Variants in SLC43A1 observed in about 807,000 individuals in gnomAD.
SLC43A1 encodes solute carrier family 43 member 1, also known as large neutral amino acids transporter small subunit 3.
In SLC43A1, 31 loss-of-function variants were observed where a neutral mutation model predicts 59.5. The ratio of observed to expected loss-of-function variants is 0.52; its 90% CI spans 0.39 to 0.70. SLC43A1 has a LOEUF of 0.70. SLC43A1 is among the 30% of genes least tolerant of loss of function. The probability of loss-of-function intolerance (pLI) is 0.00; values close to 1 mark genes in which losing one functional copy is unlikely to be tolerated. For synonymous variants in SLC43A1, 259 were observed against 290.9 expected (o/e 0.89, Z 1.12); for missense variants, 598 against 717.8 (o/e 0.83, Z 1.91).
At chr11:57,495,141 C>A (rs1944042378) in intron 7 of SLC43A1, among the ~76,000 whole-genome samples, 1 of 152,046 alleles carries the variant, frequency 6.6e-6, no homozygotes. Context: ...ACCCACTGCG[C>A]CTGGCCCATT....
At position 57,491,369 on chromosome 11, in the gene SLC43A1, AGGATG is replaced by A; in HGVS notation, c.1055-12_1055-8del. The A allele has an allele frequency of 6.3e-7, 1 of 1,584,970 alleles. No individual in the cohort carries two copies. Among genetic ancestry groups the A allele is most frequent in the Non-Finnish European group, 8.6e-7 (1 of 1,164,156 alleles). On this transcript the variant is annotated splice_polypyrimidine_tract_variant and splice_region_variant and intron_variant, in intron 10 of 14. Coordinates refer to ENST00000278426, the MANE Select transcript of SLC43A1 (RefSeq NM_003627.6). Reference sequence around the variant, plus strand: ...ACGGAGGAGTAGAACCCAACTGGGCAGGATGGGAAGGGCAGTGGGGTCAGGAACTG... The same window carrying A: ...ACGGAGGAGTAGAACCCAACTGGGCAGGAAGGGCAGTGGGGTCAGGAACTG...
chr11:57,514,969 C>T lies in SLC43A1; in HGVS notation c.-14+475G>A. 2.1e-6 allele frequency: 2 copies of T among 971,338 alleles called. No homozygotes were observed. The highest frequency in any genetic ancestry group is 4.8e-5 in the South Asian group (1 of 21,020). The allele number at this position is 971,338 out of a possible 1,614,324, so 60.2% of individuals were successfully genotyped here. On this transcript the variant is annotated intron_variant, in intron 1 of 14. Coordinates refer to ENST00000278426, the MANE Select transcript of SLC43A1 (RefSeq NM_003627.6). The surrounding 1 kb of genome is among the most constrained non-coding windows in gnomAD (Gnocchi z 5.5). ...GAAAGAGCCCCAGCTCCCCCCGCCG[C>T]GGCCGCTGCAGCCTCGGCGGGAGGA...
At chr11:57,505,317 A>C (rs958913246) in intron 2 of SLC43A1, among the ~76,000 whole-genome samples, 1 of 152,116 alleles carries the variant, frequency 6.6e-6, no homozygotes, top group African/African-American at 2.4e-5. Context: ...TTCAAGACCC[A>C]CCTGGCCAAC....
rs181597007 is a variant in SLC43A1 at position 57,497,716 on chromosome 11, G to A, written c.558+37C>T. 325 of 1,541,166 alleles carry A rather than the reference G, an allele frequency of 2.1e-4. 2 individuals are homozygous for A. In the East Asian group the frequency reaches 6.1e-3, roughly 29 times the overall value. ...GCTCACTCGGCCCCACCCGGTTCTT[G>A]TGTCAAGACAAAAAGAAAACCCAGG... On this transcript the variant is annotated intron_variant, in intron 6 of 14. Coordinates refer to ENST00000278426, the MANE Select transcript of SLC43A1 (RefSeq NM_003627.6).
chr11:57,510,308 A>C (rs1000473018), intron 2 of SLC43A1, among the ~76,000 whole-genome samples: 1 of 151,566 alleles, frequency 6.6e-6, no homozygotes. Flanking sequence ...AATACAAAAA[A>C]TTAGCCGGGC....
rs1404621880 is a variant in SLC43A1, at chr11:57,501,333, A to G, written c.155-4T>C. The stretch of plus-strand genomic sequence containing the variant: ...GTGGTGTTGGTGCTGCTCTCAGCTG[A>G]GGAGGGGGAAGGGAGGGCTCAGCAC... On this transcript the variant is annotated splice_polypyrimidine_tract_variant and splice_region_variant and intron_variant, in intron 2 of 14. Coordinates refer to ENST00000278426, the MANE Select transcript of SLC43A1 (RefSeq NM_003627.6). 1 of 1,606,932 alleles carries G rather than the reference A, an allele frequency of 6.2e-7. No homozygotes were observed. The highest frequency in any genetic ancestry group is 1.7e-5 in the Admixed American group (1 of 60,012).
intron 8 of SLC43A1, among the ~76,000 whole-genome samples, chr11:57,492,610 T>A (rs1943961377): frequency 7.2e-6 from 1 of 138,624 alleles, no homozygotes; most frequent in African/African-American, 2.7e-5. Flanking sequence ...CACACCTGTA[T>A]TCCCAGCTAC....
At chr11:57,494,326 G>T in intron 7 of SLC43A1, 155 bp from the exon 8 acceptor site, 1 of 668,880 alleles carries the variant, frequency 1.5e-6, no homozygotes, top group Middle Eastern at 4.0e-4. Flanking sequence ...TGTTTCTGTT[G>T]CTCAGAGCTT....
At chr11:57,487,836 A>C (rs565630989) in intron 13 of SLC43A1, among the ~76,000 whole-genome samples, 2 of 152,122 alleles carry the variant, frequency 1.3e-5, no homozygotes, top group Non-Finnish European at 2.9e-5. Flanking sequence ...CACCTTGCAG[A>C]TATCTGGAGA....
At chr11:57,491,558 G>A in intron 10 of SLC43A1, 33 bp downstream of exon 10, 1 of 1,613,490 alleles carries the variant, frequency 6.2e-7, no homozygotes, top group Non-Finnish European at 8.5e-7. Context: ...AGTGGGGTGG[G>A]CGTGAGCCAG....
intron 5 of SLC43A1, chr11:57,499,640 C>G (rs1407073029): frequency 6.6e-6 from 1 of 152,328 alleles, no homozygotes; most frequent in African/African-American, 2.4e-5. Context: ...CAAGACTCAG[C>G]ACGGGACGTC....
At chr11:57,486,967 A>T in intron 14 of SLC43A1, 128 bp downstream of exon 14, 1 of 937,580 alleles carries the variant, frequency 1.1e-6, no homozygotes, top group Non-Finnish European at 1.6e-6. Flanking sequence ...CAACTTGGAA[A>T]CCTGCAGATT....
intron 6 of SLC43A1, 117 bp downstream of exon 6, chr11:57,497,636 G>T: frequency 1.4e-6 from 1 of 690,908 alleles, no homozygotes; most frequent in Non-Finnish European, 2.5e-6. Context: ...GCATTGGGAT[G>T]ATGACAGAGA....
At chr11:57,491,662 G>A (rs1191603350) in intron 9 of SLC43A1, 36 bp from the exon 10 acceptor site, 3 of 1,614,172 alleles carry the variant, frequency 1.9e-6, no homozygotes, top group Non-Finnish European at 2.5e-6. Flanking sequence ...GGGGAGCTCA[G>A]CCAGGGTGAC....
At chr11:57,490,791 AAATATCT>A (rs1202364329) in intron 11 of SLC43A1, among the ~76,000 whole-genome samples, 4 of 152,230 alleles carry the variant, frequency 2.6e-5, no homozygotes, top group African/African-American at 9.7e-5. Flanking sequence ...ATACAGCAAT[AAATATCT>A]AATATACCAA....
In SLC43A1 at chr11:57,496,137, C is replaced by T. The variant is rs764695112; in HGVS notation, c.586G>A (p.Val196Met). The change falls in exon 7 of 15, where the codon GTG (valine) becomes ATG (methionine). Residue 196 changes from valine (V) to methionine (M), a missense_variant. By Grantham distance (21) the Val-to-Met change is conservative (BLOSUM62 1). Transcript: ENST00000278426. ...CCAGACCAGGTGAACATGATGACCA[C>T]GAAGGCCACACCGGCATCGTAGATC... is the stretch of plus-strand genomic sequence containing the variant. ...KLIYDAGVAFVVIMFTWSGLA... is the reference protein window; with the variant it reads ...KLIYDAGVAFMVIMFTWSGLA... 2.6e-5 allele frequency: 42 copies of T among 1,613,864 alleles called. No individual in the cohort carries two copies. The highest frequency in any genetic ancestry group is 4.5e-5 in the East Asian group (2 of 44,884).
At chr11:57,511,279 T>A (rs567688844) in intron 2 of SLC43A1, among the ~76,000 whole-genome samples, 1 of 151,910 alleles carries the variant, frequency 6.6e-6, no homozygotes, top group South Asian at 2.1e-4. Flanking sequence ...TTTTTTTTAA[T>A]TAGCTGGATG....
Position 57,485,303 on chromosome 11 carries a change from C to T in SLC43A1, c.1534-61G>A. The stretch of plus-strand genomic sequence containing the variant: ...GTAGTCATCTGCCCTTAGCCTCCCA[C>T]AGGGAGGAGAAGGCGGCCATTTTTC... On this transcript the variant is annotated intron_variant, in intron 14 of 14. Coordinates refer to ENST00000278426, the MANE Select transcript of SLC43A1 (RefSeq NM_003627.6). The T allele has an allele frequency of 3.3e-6, 5 of 1,511,576 alleles. No individual in the cohort carries two copies. In the South Asian group the frequency reaches 6.5e-5, roughly 20 times the overall value. The allele number at this position is 1,511,576 out of a possible 1,614,324, so 93.6% of individuals were successfully genotyped here. A position where few individuals can be genotyped will look rare whatever the true frequency, so the allele number is the denominator to read the frequency against.
At position 57,506,016 on chromosome 11, in the gene SLC43A1, T is replaced by G. The variant is rs377163149; in HGVS notation, c.155-4687A>C. On this transcript the variant is annotated intron_variant, in intron 2 of 14. Coordinates refer to ENST00000278426, the MANE Select transcript of SLC43A1 (RefSeq NM_003627.6). The stretch of plus-strand genomic sequence containing the variant: ...GTTCCTTTCCTAACCCCATGATGCT[T>G]CCCTTTCCTGCCTCTGACATGGTCA... Among the ~76,000 whole-genome samples, 15 of 152,330 alleles carry G rather than the reference T, an allele frequency of 9.8e-5. No individual in the cohort carries two copies. In the East Asian group the frequency reaches 2.9e-3, roughly 29 times the overall value.
Sources: gnomAD v4.1 joint callset for allele counts (sites outside exome capture counted in the v4.1 genomes callset) on GRCh38, gnomAD v4.1.1 for gene constraint, Gnocchi (gnomAD v3.1) non-coding constraint, MANE v1.5 for transcripts, NCBI Gene and HGNC (gene_info 2026-07-23, HGNC 2026-07-21) for gene names.